ESR1: variants seen among roughly 807,000 people sequenced by gnomAD.
ESR1 encodes the protein estrogen receptor.
ESR1 carries 12 observed loss-of-function variants against 52.7 expected under a neutral mutation model. That is an observed-to-expected ratio of 0.23 (90% CI 0.15 to 0.37). The LOEUF (loss-of-function observed/expected upper bound fraction) is 0.37, where lower values mean the gene tolerates loss of function less well. ESR1 is among the 10% of genes least tolerant of loss of function. The probability of loss-of-function intolerance (pLI) is 1.00; values close to 1 mark genes in which losing one functional copy is unlikely to be tolerated. For synonymous variants in ESR1, 305 were observed against 316.8 expected (o/e 0.96, Z 0.39); for missense variants, 584 against 779.7 (o/e 0.75, Z 2.99).
At chr6:151,911,083 C>G (rs1241086784) in intron 3 of ESR1, among the ~76,000 whole-genome samples, 2 of 152,200 alleles carry the variant, frequency 1.3e-5, no homozygotes, top group Admixed American at 6.5e-5. Context: ...AATGCTCGCT[C>G]ACTGCTCACC....
At position 151,669,189 on chromosome 6, in the gene ESR1, A is replaced by AGAGGGAGC. The variant is rs774737323; in HGVS notation, n.73+12426_73+12427insGAGGGAGC. On this transcript the variant is annotated intron_variant and non_coding_transcript_variant, in intron 1 of 2. Coordinates refer to the ESR1 transcript ENST00000473497. ...GAGAGAGAGAGAGAGAGAGAGAGAG[A>AGAGGGAGC]TGGGAATCCAGGGGAGAACAGAACA... is the stretch of plus-strand genomic sequence containing the variant. 4.6e-4 allele frequency among the ~76,000 whole-genome samples: 40 copies of AGAGGGAGC among 87,132 alleles called. 2 individuals are homozygous for AGAGGGAGC. The highest frequency in any genetic ancestry group is 6.3e-4 in the Non-Finnish European group (26 of 41,486). 57.2% of individuals were successfully genotyped at this position (87,132 alleles called of 152,430 possible). A position where few individuals can be genotyped will look rare whatever the true frequency, so the allele number is the denominator to read the frequency against.
At chr6:151,908,476 G>A (rs547341295) in intron 3 of ESR1, among the ~76,000 whole-genome samples, 20 of 152,148 alleles carry the variant, frequency 1.3e-4, no homozygotes, top group African/African-American at 4.8e-4. Context: ...CTTGTTTCTG[G>A]GGTGTTAATA....
At chr6:151,994,592 C>A (rs2041311944) in intron 4 of ESR1, among the ~76,000 whole-genome samples, 2 of 152,128 alleles carry the variant, frequency 1.3e-5, no homozygotes, top group Non-Finnish European at 2.9e-5. Context: ...GGGTGACAAA[C>A]CCTGTCCTTG....
chr6:151,741,918 C>T (rs886426315), intron 2 of ESR1, among the ~76,000 whole-genome samples: 8 of 152,170 alleles, frequency 5.3e-5, no homozygotes, highest in Admixed American at 3.3e-4. Flanking sequence ...CTTTGATCTA[C>T]ATCTTCTCAT....
At chr6:151,832,376 A>G (rs960487563) in intron 1 of ESR1, among the ~76,000 whole-genome samples, 4 of 152,224 alleles carry the variant, frequency 2.6e-5, no homozygotes, top group Admixed American at 6.5e-5. Context: ...TTTTAAGAAC[A>G]TACATTTACT....
chr6:152,049,983 C>T (rs559974767), intron 5 of ESR1, among the ~76,000 whole-genome samples: 75 of 152,332 alleles, frequency 4.9e-4, no homozygotes, highest in African/African-American at 1.8e-3. Context: ...GACTTCCTTA[C>T]ACAAAAAGAA....
intron 4 of ESR1, among the ~76,000 whole-genome samples, chr6:151,992,681 C>T (rs959235593): frequency 3.9e-5 from 6 of 152,048 alleles, no homozygotes; most frequent in Admixed American, 1.3e-4. Flanking sequence ...AAAAGTGATA[C>T]GTTTCTTGAA....
chr6:152,122,759 G>A (rs1013452239), intron 6 of ESR1: 5 of 1,598,830 alleles, frequency 3.1e-6, no homozygotes, highest in Admixed American at 1.7e-5. Context: ...CTTCCTGGAA[G>A]CTAAAGGGCC....
chr6:151,841,867 C>T (rs546455208), intron 1 of ESR1, among the ~76,000 whole-genome samples: 4 of 152,158 alleles, frequency 2.6e-5, no homozygotes, highest in African/African-American at 9.6e-5. Context: ...CACACATCAC[C>T]ATTCTCAGCT....
At chr6:151,887,587 A>G (rs1913474) in intron 3 of ESR1, among the ~76,000 whole-genome samples, 118,125 of 151,898 alleles carry the variant, frequency 0.78, 46,458 homozygotes, top group African/African-American at 0.87. Flanking sequence ...AAACCTTCTT[A>G]GAACCCTAGG....
At position 152,121,176 on chromosome 6, in the gene ESR1, A is replaced by C. The variant is rs565828434; in HGVS notation, c.851-4090A>C. ...CCACGAGCATCACATAATTCCATGA[A>C]GTCCACTATAGTAGGCAAGTTCAGA... is the stretch of plus-strand genomic sequence containing the variant. On this transcript the variant is annotated intron_variant, in intron 6 of 6. Transcript: ENST00000427531. 1.6e-3 allele frequency among the ~76,000 whole-genome samples: 251 copies of C among 152,368 alleles called. 1 individual carries two copies. The highest frequency in any genetic ancestry group is 2.7e-3 in the Non-Finnish European group (183 of 68,038).
chr6:151,712,508 G>T (rs1101080), intron 2 of ESR1, among the ~76,000 whole-genome samples: 47,878 of 151,756 alleles, frequency 0.32, 8,121 homozygotes, highest in African/African-American at 0.43. Context: ...GTGTCCTCTC[G>T]TTTTTCCTTG....
At chr6:151,662,440 A>G (rs1298927664) in intron 1 of ESR1, among the ~76,000 whole-genome samples, 5 of 152,318 alleles carry the variant, frequency 3.3e-5, no homozygotes, top group Admixed American at 6.5e-5. Flanking sequence ...ATAGAGGTTA[A>G]ATAACATGCC....
intron 1 of ESR1, among the ~76,000 whole-genome samples, chr6:151,659,594 A>G (rs1777570201): frequency 6.6e-6 from 1 of 152,220 alleles, no homozygotes; most frequent in South Asian, 2.1e-4. Context: ...AGTCAGCCTC[A>G]TGAAAGAAGG....
intron 2 of ESR1, among the ~76,000 whole-genome samples, chr6:151,769,998 G>A (rs2504064): frequency 1 from 150,700 of 150,792 alleles, 75,304 homozygotes; most frequent in Middle Eastern, 1. Flanking sequence ...ACTGCATTCC[G>A]GCCTGGGCGA....
intron 2 of ESR1, among the ~76,000 whole-genome samples, chr6:151,866,488 C>T (rs1422905336): frequency 6.6e-6 from 1 of 152,128 alleles, no homozygotes; most frequent in Non-Finnish European, 1.5e-5. Flanking sequence ...GCCCCCCACC[C>T]CCTGACAGGC....
intron 6 of ESR1, among the ~76,000 whole-genome samples, chr6:152,074,423 T>C (rs548033625): frequency 6.6e-6 from 1 of 152,320 alleles, no homozygotes; most frequent in South Asian, 2.1e-4. Flanking sequence ...GCTTGATAGC[T>C]CATTTCTTTT....
At chr6:151,743,476 G>A (rs955786629) in intron 2 of ESR1, among the ~76,000 whole-genome samples, 2 of 152,202 alleles carry the variant, frequency 1.3e-5, no homozygotes, top group Non-Finnish European at 2.9e-5. Flanking sequence ...ATAAACAAGT[G>A]TGTGGATATG....
chr6:151,937,801 A>T (rs1329071830), intron 3 of ESR1, among the ~76,000 whole-genome samples: 1 of 152,198 alleles, frequency 6.6e-6, no homozygotes, highest in Non-Finnish European at 1.5e-5. Flanking sequence ...TGGTACAGAG[A>T]CTTTGGAGGC....
Sources: allele counts gnomAD v4.1 joint callset (sites outside exome capture counted in the v4.1 genomes callset), GRCh38; gene constraint gnomAD v4.1.1; transcripts MANE v1.5; gene names NCBI Gene and HGNC (gene_info 2026-07-23, HGNC 2026-07-21).